The following LAMA2 variants were observed in gnomAD, a reference collection of about 807,000 sequenced individuals.
LAMA2 encodes the protein laminin subunit alpha 2.
LAMA2 carries 269 observed loss-of-function variants against 364.8 expected under a neutral mutation model. That is an observed-to-expected ratio of 0.74 (90% CI 0.67 to 0.82). The LOEUF is 0.82. Ranked by LOEUF, LAMA2 falls within the 40% of genes least tolerant of loss-of-function variation. LAMA2 has a pLI of 0.00. For synonymous variants in LAMA2, 1,379 were observed against 1,370.6 expected (o/e 1.01, Z -0.14); for missense variants, 3,807 against 3,873.2 (o/e 0.98, Z 0.45).
intron 12 of LAMA2, among the ~76,000 whole-genome samples, chr6:129,216,566 A>G (rs2115084028): frequency 6.6e-6 from 1 of 152,360 alleles, no homozygotes; most frequent in Non-Finnish European, 1.5e-5. Flanking sequence ...TCACAGTGAA[A>G]GGAATTTATC....
intron 1 of LAMA2, among the ~76,000 whole-genome samples, chr6:129,048,551 T>C (rs12207812): frequency 1.5e-4 from 15 of 99,016 alleles, no homozygotes; most frequent in African/African-American, 5.9e-4. Flanking sequence ...CTTTCTTTCT[T>C]TCTCTCTCTC....
intron 12 of LAMA2, among the ~76,000 whole-genome samples, chr6:129,208,712 AGGG>A (rs139959838): frequency 0.19 from 21,171 of 113,762 alleles, 1,556 homozygotes; most frequent in South Asian, 0.23. Flanking sequence ...AGGAAGGAAA[AGGG>A]AGGGAGGGAG....
intron 4 of LAMA2, among the ~76,000 whole-genome samples, chr6:129,132,033 G>T (rs1376170672): frequency 1.3e-5 from 2 of 152,074 alleles, no homozygotes; most frequent in East Asian, 3.9e-4. Flanking sequence ...CCTTCGTGTT[G>T]GTCCTTAGTC....
chr6:129,319,322 T>A (rs1043194428), intron 27 of LAMA2, among the ~76,000 whole-genome samples: 2 of 152,194 alleles, frequency 1.3e-5, no homozygotes, highest in African/African-American at 2.4e-5. Flanking sequence ...AGAATATAAA[T>A]GTCTAATTAA....
intron 8 of LAMA2, among the ~76,000 whole-genome samples, chr6:129,161,927 GT>G (rs2114988106): frequency 6.6e-6 from 1 of 152,202 alleles, no homozygotes; most frequent in African/African-American, 2.4e-5. Flanking sequence ...TTGATTCCAT[GT>G]CTTTGTTATT....
At chr6:129,414,798 CTAACT>C (rs1422099258) in intron 40 of LAMA2, among the ~76,000 whole-genome samples, 1 of 152,140 alleles carries the variant, frequency 6.6e-6, no homozygotes, top group Non-Finnish European at 1.5e-5. Context: ...ATCCCCTAAC[CTAACT>C]TTTCTCTCAA....
intron 3 of LAMA2, among the ~76,000 whole-genome samples, chr6:129,086,619 A>C (rs1774400548): frequency 6.6e-6 from 1 of 152,252 alleles, no homozygotes; most frequent in South Asian, 2.1e-4. Flanking sequence ...AAAAAGCAAA[A>C]GTAGGCAAAA....
chr6:129,420,256 A>G (rs1781012108), intron 40 of LAMA2, among the ~76,000 whole-genome samples: 1 of 152,092 alleles, frequency 6.6e-6, no homozygotes, highest in South Asian at 2.1e-4. Flanking sequence ...TGTATATTGA[A>G]CTAGATTCTG....
intron 37 of LAMA2, 113 bp downstream of exon 37, chr6:129,393,368 A>C: frequency 1.2e-6 from 1 of 822,570 alleles, no homozygotes; most frequent in Admixed American, 2.0e-5. Context: ...GTCAAGAGTG[A>C]CAACTCTGAA....
chr6:128,909,936 C>A (rs1314137904), intron 1 of LAMA2, among the ~76,000 whole-genome samples: 3 of 151,662 alleles, frequency 2.0e-5, no homozygotes, highest in South Asian at 2.1e-4. Flanking sequence ...GTTGAAAATT[C>A]TTTTCTTTAA....
At chr6:129,048,554 TC>T (rs1247176450) in intron 1 of LAMA2, among the ~76,000 whole-genome samples, 39 of 17,294 alleles carry the variant, frequency 2.3e-3, no homozygotes, top group African/African-American at 3.2e-3. Flanking sequence ...TCTTTCTTTC[TC>T]TCTCTCTCTC....
At chr6:129,288,151 A>G in intron 19 of LAMA2, 93 bp downstream of exon 19, 1 of 986,122 alleles carries the variant, frequency 1.0e-6, no homozygotes, top group African/African-American at 1.6e-5. Flanking sequence ...AAGAGTAGGA[A>G]ATTATGTGGA....
chr6:129,390,679 T>C (rs1031901120), intron 35 of LAMA2, among the ~76,000 whole-genome samples: 5 of 152,178 alleles, frequency 3.3e-5, no homozygotes, highest in Admixed American at 6.5e-5. Context: ...CTAAAACTAA[T>C]AATATAACTG....
intron 48 of LAMA2, 91 bp downstream of exon 48, chr6:129,456,585 A>G: frequency 8.4e-7 from 1 of 1,187,900 alleles, no homozygotes; most frequent in Non-Finnish European, 1.3e-6. Flanking sequence ...AAGCTCTGTA[A>G]AACTTGATCA....
intron 1 of LAMA2, among the ~76,000 whole-genome samples, chr6:128,884,003 A>C (rs1237517462): frequency 6.6e-6 from 1 of 152,124 alleles, no homozygotes; most frequent in Middle Eastern, 3.2e-3. Context: ...TGAAATCGTG[A>C]AATTTCTCCT....
At chr6:129,053,227 G>A (rs758536002) in intron 2 of LAMA2, among the ~76,000 whole-genome samples, 4 of 151,978 alleles carry the variant, frequency 2.6e-5, no homozygotes, top group African/African-American at 4.8e-5. Context: ...CACCATGCCC[G>A]GCTAATTTTG....
At chr6:129,148,930 TG>T in intron 6 of LAMA2, 48 bp from the exon 7 acceptor site, 1 of 1,187,468 alleles carries the variant, frequency 8.4e-7, no homozygotes, top group Non-Finnish European at 1.3e-6. Context: ...GCTTCCTTTA[TG>T]GTTCTAAATG....
rs375665128 is a variant in LAMA2, at chr6:129,507,647, G to A, written c.8857+5G>A. 6 of 1,613,846 alleles carry A rather than the reference G, an allele frequency of 3.7e-6. No individual in the cohort carries two copies. Among genetic ancestry groups the A allele is most frequent in the Non-Finnish European group, 5.1e-6 (6 of 1,179,880 alleles). On this transcript the variant is annotated splice_donor_5th_base_variant and intron_variant, in intron 62 of 64. Coordinates refer to ENST00000421865, the MANE Select transcript of LAMA2 (RefSeq NM_000426.4). ...GAACCGGTTTTGCCAAAGCAGGTAA[G>A]GCTCTTTCATTTCCTTCCTGTTGAT...
chr6:129,359,551 T>G (rs751944322), intron 32 of LAMA2, among the ~76,000 whole-genome samples: 5 of 151,926 alleles, frequency 3.3e-5, no homozygotes, highest in Non-Finnish European at 5.9e-5. Context: ...AAGTTTCTTT[T>G]TGAAGGGGAA....
Sources: allele counts gnomAD v4.1 joint callset (sites outside exome capture counted in the v4.1 genomes callset), GRCh38; gene constraint gnomAD v4.1.1; transcripts MANE v1.5; gene names NCBI Gene and HGNC (gene_info 2026-07-23, HGNC 2026-07-21).